The following KDM5A variants were observed in gnomAD, a reference collection of about 807,000 sequenced individuals.
KDM5A encodes lysine-specific demethylase 5A.
KDM5A carries 42 observed loss-of-function variants against 193.5 expected under a neutral mutation model. The ratio of observed to expected loss-of-function variants is 0.22; its 90% CI spans 0.17 to 0.28. The LOEUF is 0.28. Among genes scored for constraint, KDM5A ranks in the 10% least tolerant of loss-of-function variants. The probability of loss-of-function intolerance (pLI) is 1.00; values close to 1 mark genes in which losing one functional copy is unlikely to be tolerated. For synonymous variants in KDM5A, 796 were observed against 718.1 expected (o/e 1.11, Z -1.73); for missense variants, 1,692 against 2,055.1 (o/e 0.82, Z 3.42).
intron 10 of KDM5A, among the ~76,000 whole-genome samples, chr12:346,781 T>C (rs1250263272): frequency 6.6e-6 from 1 of 152,160 alleles, no homozygotes; most frequent in Non-Finnish European, 1.5e-5. Context: ...TAATAAGAGC[T>C]ATTTATGACA....
intron 9 of KDM5A, among the ~76,000 whole-genome samples, chr12:351,615 C>T (rs927667759): frequency 2.6e-5 from 4 of 152,008 alleles, no homozygotes; most frequent in African/African-American, 9.7e-5. Context: ...AGCAACTGCC[C>T]AATACTTTAC....
chr12:336,719 T>C (rs1943938447), intron 10 of KDM5A, among the ~76,000 whole-genome samples: 1 of 151,704 alleles, frequency 6.6e-6, no homozygotes, highest in Non-Finnish European at 1.5e-5. Context: ...TGCATGCCTG[T>C]GGCCCCAGAT....
chr12:309,071 AAAG>A (rs1943549435), intron 22 of KDM5A, among the ~76,000 whole-genome samples: 1 of 152,240 alleles, frequency 6.6e-6, no homozygotes, highest in Admixed American at 6.5e-5. Flanking sequence ...AGGAAATTTA[AAAG>A]AAGGAAAAGG....
intron 3 of KDM5A, among the ~76,000 whole-genome samples, chr12:379,184 A>C (rs1052612594): frequency 6.6e-6 from 1 of 151,862 alleles, no homozygotes; most frequent in Non-Finnish European, 1.5e-5. Context: ...TAAAAAAAAA[A>C]CTTAATAGAT....
At chr12:366,676 G>A (rs959537074) in intron 3 of KDM5A, among the ~76,000 whole-genome samples, 23 of 152,100 alleles carry the variant, frequency 1.5e-4, no homozygotes, top group African/African-American at 4.8e-4. Context: ...TTACCGATAC[G>A]GAGTACAGAA....
chr12:288,534 T>C (rs1427411344), intron 27 of KDM5A, among the ~76,000 whole-genome samples: 1 of 152,164 alleles, frequency 6.6e-6, no homozygotes, highest in African/African-American at 2.4e-5. Context: ...TCACACTTAA[T>C]AAAAAATATT....
At chr12:383,890 A>G in intron 3 of KDM5A, 141 bp downstream of exon 3, 1 of 896,130 alleles carries the variant, frequency 1.1e-6, no homozygotes, top group Non-Finnish European at 1.8e-6. Context: ...CTGGGATTAC[A>G]GGCATGCGCC....
rs1944699753 is a variant in KDM5A, at chr12:389,278, T to TA, written c.-188_-187insT. ...TTTGTTATTGTTTCTTGCAAGGCTTTTCCACTGAGGTTCAGGACTTTTCCG... is the reference window on the plus strand; with the variant it reads ...TTTGTTATTGTTTCTTGCAAGGCTTTATCCACTGAGGTTCAGGACTTTTCCG... On this transcript the variant is annotated 5_prime_UTR_variant, in exon 1 of 28. Transcript: ENST00000399788. The TA allele has an allele frequency of 1.4e-6, 1 of 722,354 alleles. No individual in the cohort carries two copies. Among genetic ancestry groups the TA allele is most frequent in the Non-Finnish European group, 2.5e-6 (1 of 403,060 alleles). The allele number at this position is 722,354 out of a possible 1,614,324, so 44.7% of individuals were successfully genotyped here.
At chr12:317,891 G>C (rs1943667397) in intron 19 of KDM5A, among the ~76,000 whole-genome samples, 1 of 152,170 alleles carries the variant, frequency 6.6e-6, no homozygotes, top group Non-Finnish European at 1.5e-5. Flanking sequence ...TGCCAAAGCA[G>C]GGAGAGAGGA....
intron 14 of KDM5A, among the ~76,000 whole-genome samples, chr12:324,369 G>C (rs1267736808): frequency 6.6e-6 from 1 of 152,066 alleles, no homozygotes; most frequent in East Asian, 1.9e-4. Flanking sequence ...ATTGTAATTG[G>C]GAGGCATTTT....
chr12:348,862 G>A (rs1944113244), intron 10 of KDM5A, among the ~76,000 whole-genome samples: 1 of 150,970 alleles, frequency 6.6e-6, no homozygotes, highest in Non-Finnish European at 1.5e-5. Context: ...ACCTATGTAT[G>A]AAACCTGCAT....
intron 19 of KDM5A, among the ~76,000 whole-genome samples, chr12:314,108 G>A (rs368557507): frequency 3.3e-5 from 5 of 152,084 alleles, no homozygotes; most frequent in African/African-American, 9.7e-5. Context: ...GGCTGAAATC[G>A]TTCATCATCC....
In KDM5A at chr12:323,210, C is replaced by CAAAAAAAAAAAA. The variant is rs60377454; in HGVS notation, c.2151-16_2151-5dup. ...GTCTTCTAATGGGTAGCGATATCTACAAAAAAAAAAAAAAAAAAAAAAAAA... is the reference window on the plus strand; with the variant it reads ...GTCTTCTAATGGGTAGCGATATCTACAAAAAAAAAAAAAAAAAAAAAAAAAAAAAAAAAAAAA... On this transcript the variant is annotated splice_region_variant and splice_polypyrimidine_tract_variant and intron_variant, in intron 15 of 27. Coordinates refer to ENST00000399788, the MANE Select transcript of KDM5A (RefSeq NM_001042603.3). The CAAAAAAAAAAAA allele has an allele frequency of 4.1e-3, 1,203 of 296,962 alleles. 10 individuals are homozygous for CAAAAAAAAAAAA. The highest frequency in any genetic ancestry group is 6.8e-3 in the Admixed American group (54 of 7,926). 18.4% of individuals were successfully genotyped at this position (296,962 alleles called of 1,614,324 possible). A position where few individuals can be genotyped will look rare whatever the true frequency, so the allele number is the denominator to read the frequency against.
intron 14 of KDM5A, among the ~76,000 whole-genome samples, chr12:324,742 G>A (rs989042474): frequency 2.0e-5 from 3 of 152,038 alleles, no homozygotes; most frequent in Non-Finnish European, 4.4e-5. Context: ...GCGTGGTGAT[G>A]CATGCCTGTA....
chr12:382,145 T>C (rs549707310), intron 3 of KDM5A, among the ~76,000 whole-genome samples: 1 of 152,254 alleles, frequency 6.6e-6, no homozygotes, highest in Admixed American at 6.5e-5. Flanking sequence ...AAGTGAAATC[T>C]TCCTGGCCAC....
At position 280,717 on chromosome 12, in the gene KDM5A, T is replaced by C. The variant is rs896131796; in HGVS notation, c.*4739A>G. 1.3e-5 allele frequency: 3 copies of C among 232,998 alleles called. No homozygotes were observed. Among genetic ancestry groups the C allele is most frequent in the African/African-American group, 4.4e-5 (2 of 45,334 alleles). The allele number at this position is 232,998 out of a possible 1,614,324, so 14.4% of individuals were successfully genotyped here. On this transcript the variant is annotated 3_prime_UTR_variant, in exon 28 of 28. Transcript: ENST00000399788. ...AGCATTTCCTTGTTTTCCCTATTAATGGTTTGTTGCAAAGGGATAAACTTC... is the reference window on the plus strand; with the variant it reads ...AGCATTTCCTTGTTTTCCCTATTAACGGTTTGTTGCAAAGGGATAAACTTC...
intron 10 of KDM5A, among the ~76,000 whole-genome samples, chr12:334,934 A>G (rs961284277): frequency 6.6e-5 from 10 of 152,072 alleles, no homozygotes; most frequent in Non-Finnish European, 1.3e-4. Flanking sequence ...CGGATAAATT[A>G]TAACAATAAG....
chr12:301,333 A>T (rs1943438944), intron 24 of KDM5A, among the ~76,000 whole-genome samples: 2 of 152,210 alleles, frequency 1.3e-5, no homozygotes, highest in South Asian at 4.1e-4. Flanking sequence ...ATCCACCACG[A>T]TCAAGTCAGC....
At chr12:381,913 C>T (rs1944577950) in intron 3 of KDM5A, among the ~76,000 whole-genome samples, 1 of 152,084 alleles carries the variant, frequency 6.6e-6, no homozygotes, top group Non-Finnish European at 1.5e-5. Flanking sequence ...CTCAAGCAAT[C>T]CTCCTGCCTC....
Sources: allele counts gnomAD v4.1 joint callset (sites outside exome capture counted in the v4.1 genomes callset), GRCh38; gene constraint gnomAD v4.1.1; transcripts MANE v1.5; gene names NCBI Gene and HGNC (gene_info 2026-07-23, HGNC 2026-07-21).